Variants in CREM observed in about 807,000 individuals in gnomAD.
The protein encoded by CREM is cAMP-responsive element modulator.
A neutral mutation model predicts 37.3 loss-of-function variants in CREM; 13 were observed. The observed-to-expected ratio is 0.35, with a 90% CI of 0.23 to 0.55. CREM has a LOEUF of 0.55. Among genes scored for constraint, CREM ranks in the 20% least tolerant of loss-of-function variants. CREM has a pLI of 0.88. For synonymous variants in CREM, 124 were observed against 120.2 expected, an observed-to-expected ratio of 1.03 and a Z score of -0.21; for missense variants, 296 against 362.3, an observed-to-expected ratio of 0.82 and a Z score of 1.49.
intron 7 of CREM, 28 bp from the exon 8 acceptor site, chr10:35,211,226 G>A (rs1162887023): frequency 6.2e-7 from 1 of 1,606,644 alleles, no homozygotes; most frequent in Admixed American, 1.7e-5. Flanking sequence ...GGCTGTTCCT[G>A]TAGTCATTTG....
At chr10:35,173,502 G>A (rs2093917234) in intron 3 of CREM, among the ~76,000 whole-genome samples, 1 of 152,094 alleles carries the variant, frequency 6.6e-6, no homozygotes, top group Non-Finnish European at 1.5e-5. Flanking sequence ...TTTTGAAAAT[G>A]TAATCATTTT....
In CREM at chr10:35,157,852, A is replaced by G. The variant is rs2093013732; in HGVS notation, c.168+9361A>G. 4.2e-5 allele frequency among the ~76,000 whole-genome samples: 6 copies of G among 144,174 alleles called. No homozygotes were observed. The Admixed American group carries it at 4.2e-4, about 10-fold the overall frequency. 94.6% of individuals were successfully genotyped at this position (144,174 alleles called of 152,430 possible). A position where few individuals can be genotyped will look rare whatever the true frequency, so the allele number is the denominator to read the frequency against. The stretch of plus-strand genomic sequence containing the variant: ...AAAATTAGAAAACCTTAAAGATGCC[A>G]CCAGAAAAACCTGTTAGATCTAATA... On this transcript the variant is annotated intron_variant, in intron 3 of 7. Coordinates refer to ENST00000685392, the MANE Select transcript of CREM (RefSeq NM_183011.2).
In CREM at chr10:35,148,382, A is replaced by C. The variant is rs1271883422; in HGVS notation, c.59A>C (p.Glu20Ala). Reference protein sequence around the residue: ...IKTNPRQMTMETVESQHDGSI... With the variant: ...IKTNPRQMTMATVESQHDGSI... ...TGTCTTTTCAGACAAATGACCATGG[A>C]AACAGTTGAATCCCAGCATGATGGA... is the stretch of plus-strand genomic sequence containing the variant. The change falls in exon 3 of 8, where the codon GAA becomes GCA. Residue 20 changes from glutamate (E) to alanine (A), a missense_variant. Around this residue, in one of 2 missense-constraint regions of CREM, gnomAD observed 257 missense variants for 280.2 expected, o/e 0.92. Coordinates refer to ENST00000685392, the MANE Select transcript of CREM (RefSeq NM_183011.2). 6.2e-7 allele frequency: 1 copy of C among 1,611,832 alleles called. No individual in the cohort carries two copies.
chr10:35,211,056 C>T (rs1489126886), intron 7 of CREM, among the ~76,000 whole-genome samples, 198 bp from the exon 8 acceptor site: 1 of 152,158 alleles, frequency 6.6e-6, no homozygotes, highest in Non-Finnish European at 1.5e-5. Flanking sequence ...GCTGGGCGAA[C>T]TGTGTTCTCA....
intron 3 of CREM, among the ~76,000 whole-genome samples, chr10:35,161,516 T>C (rs2093293270): frequency 6.6e-6 from 1 of 151,220 alleles, no homozygotes; most frequent in African/African-American, 2.4e-5. Flanking sequence ...TAAAAAAAAT[T>C]AGCCAGGAGT....
At chr10:35,161,069 A>C (rs892797764) in intron 3 of CREM, among the ~76,000 whole-genome samples, 2 of 152,190 alleles carry the variant, frequency 1.3e-5, no homozygotes, top group Non-Finnish European at 2.9e-5. Flanking sequence ...TATGGTAAAT[A>C]CATAAACCAG....
intron 5 of CREM, among the ~76,000 whole-genome samples, chr10:35,187,125 TA>T (rs2094636632): frequency 1.3e-5 from 1 of 77,166 alleles, no homozygotes; most frequent in East Asian, 3.4e-4. Flanking sequence ...AATATATAAA[TA>T]TATTAATATA....
Position 35,188,408 on chromosome 10 carries a change from T to TA in CREM, c.598+21dup. ...TTCAAGGTATATTTTATTAATCTAA[T>TA]ACATTTAGAATACCTATGGATTACT... On this transcript the variant is annotated intron_variant, in intron 6 of 7. Transcript: ENST00000685392. 1 of 1,587,798 alleles carries TA rather than the reference T, an allele frequency of 6.3e-7. No individual in the cohort carries two copies. Among genetic ancestry groups the TA allele is most frequent in the Non-Finnish European group, 8.6e-7 (1 of 1,164,574 alleles).
chr10:35,211,874 G>T lies in CREM; in HGVS notation c.*476G>T. ...AAGGAATACAATATATAGCTGGCAA[G>T]AATGGTGGCTTCTTTTCTTTGTATC... is the stretch of plus-strand genomic sequence containing the variant. On this transcript the variant is annotated 3_prime_UTR_variant, in exon 8 of 8. Transcript: ENST00000685392. 3 of 1,360,426 alleles carry T rather than the reference G, an allele frequency of 2.2e-6. No individual in the cohort carries two copies. Among genetic ancestry groups the T allele is most frequent in the Admixed American group, 2.6e-5 (1 of 38,686 alleles). 84.3% of individuals were successfully genotyped at this position (1,360,426 alleles called of 1,614,324 possible).
In CREM at chr10:35,182,443, C is replaced by T. The variant is rs114932932; in HGVS notation, c.409+3167C>T. ...AAAAAAAATTTTAGGTTTAATTGTT[C>T]AGCTTTTATCCATGGATGGCTTTCT... On this transcript the variant is annotated intron_variant, in intron 5 of 7. Coordinates refer to ENST00000685392, the MANE Select transcript of CREM (RefSeq NM_183011.2). Among the ~76,000 whole-genome samples, 1,073 of 151,432 alleles carry T rather than the reference C, an allele frequency of 7.1e-3. 17 individuals carry two copies. Among genetic ancestry groups the T allele is most frequent in the African/African-American group, 0.024 (1,009 of 41,332 alleles).
At chr10:35,173,147 C>A (rs757006055) in intron 3 of CREM, among the ~76,000 whole-genome samples, 3 of 152,144 alleles carry the variant, frequency 2.0e-5, no homozygotes, top group African/African-American at 7.2e-5. Flanking sequence ...CAAAATCTTA[C>A]GTGGGTAAGA....
At chr10:35,163,426 G>A (rs918477117) in intron 3 of CREM, among the ~76,000 whole-genome samples, 3 of 152,098 alleles carry the variant, frequency 2.0e-5, no homozygotes, top group African/African-American at 7.2e-5. Context: ...GCTCATGCCT[G>A]TAATCCCAAC....
chr10:35,207,056 G>A lies in CREM; in HGVS notation c.755+5G>A. On this transcript the variant is annotated splice_donor_5th_base_variant and intron_variant, in intron 7 of 7. Transcript: ENST00000685392. ...GCTGAGGCTAATGAAAAACAGGTGA[G>A]GTGTTGCACAGGGAATCGGTAACTT... is the stretch of plus-strand genomic sequence containing the variant. The A allele has an allele frequency of 6.2e-7, 1 of 1,608,488 alleles. No homozygotes were observed. The highest frequency in any genetic ancestry group is 8.5e-7 in the Non-Finnish European group (1 of 1,177,198).
chr10:35,145,252 C>T (rs2091939719), intron 2 of CREM, among the ~76,000 whole-genome samples: 1 of 151,978 alleles, frequency 6.6e-6, no homozygotes, highest in Admixed American at 6.6e-5. Flanking sequence ...TGTCTCTTCC[C>T]CACTAAATCT....
At chr10:35,163,734 T>G (rs546168288) in intron 3 of CREM, among the ~76,000 whole-genome samples, 1 of 152,244 alleles carries the variant, frequency 6.6e-6, no homozygotes, top group East Asian at 1.9e-4. Flanking sequence ...GGCGGGAGAT[T>G]CGCTTGAACC....
At chr10:35,137,756 A>C in intron 1 of CREM, 26 bp from the exon 2 acceptor site, 1 of 1,093,142 alleles carries the variant, frequency 9.1e-7, no homozygotes. Flanking sequence ...ACGATCTCCC[A>C]ATTCAACATT....
At chr10:35,193,820 T>C (rs1453893593) in intron 6 of CREM, among the ~76,000 whole-genome samples, 1 of 151,774 alleles carries the variant, frequency 6.6e-6, no homozygotes, top group African/African-American at 2.4e-5. Flanking sequence ...GGAAAGGGCT[T>C]TGGGTGCGGT....
At chr10:35,207,116 G>T in intron 7 of CREM, 65 bp downstream of exon 7, 1 of 1,534,554 alleles carries the variant, frequency 6.5e-7, no homozygotes. Flanking sequence ...GTTTTCACCG[G>T]GCGCAGTGGC....
At chr10:35,133,457 C>T (rs1228533335) in intron 1 of CREM, among the ~76,000 whole-genome samples, 1 of 152,042 alleles carries the variant, frequency 6.6e-6, no homozygotes, top group African/African-American at 2.4e-5. Flanking sequence ...TGCCACCGTG[C>T]CTGGCTAATT....
Sources: gnomAD v4.1 joint callset for allele counts (sites outside exome capture counted in the v4.1 genomes callset) on GRCh38, gnomAD v4.1.1 for gene constraint, gnomAD v4.1.1 regional missense constraint, MANE v1.5 for transcripts, NCBI Gene and HGNC (gene_info 2026-07-23, HGNC 2026-07-21) for gene names.